Variants in LRCH1 observed in about 807,000 individuals in gnomAD.
The protein encoded by LRCH1 is leucine rich repeats and calponin homology domain containing 1.
Under a neutral mutation model 94.9 loss-of-function variants are expected in LRCH1, and 23 were observed. That is an observed-to-expected ratio of 0.24 (90% CI 0.17 to 0.34). The LOEUF is 0.34. Among genes scored for constraint, LRCH1 ranks in the 10% least tolerant of loss-of-function variants. The pLI, the probability that LRCH1 is intolerant of heterozygous loss-of-function variation, is 1.00. For synonymous variants in LRCH1, 364 were observed against 354.9 expected (o/e 1.03, Z -0.29); for missense variants, 790 against 945.9 (o/e 0.84, Z 2.16).
intron 1 of LRCH1, among the ~76,000 whole-genome samples, chr13:46,574,834 T>G (rs962379583): frequency 2.7e-5 from 4 of 150,572 alleles, no homozygotes; most frequent in Admixed American, 6.6e-5. Context: ...TTTTTTTTTT[T>G]TTTTTTTTTT....
chr13:46,721,865 C>G (rs1259341614), intron 16 of LRCH1, among the ~76,000 whole-genome samples: 3 of 152,140 alleles, frequency 2.0e-5, no homozygotes, highest in Non-Finnish European at 4.4e-5. Flanking sequence ...CATAGAGCAT[C>G]AGAATGTGAA....
intron 1 of LRCH1, among the ~76,000 whole-genome samples, chr13:46,645,364 G>C (rs1462790269): frequency 6.6e-6 from 1 of 152,148 alleles, no homozygotes; most frequent in Non-Finnish European, 1.5e-5. Context: ...ATTCTACAGT[G>C]AAATGTCAAA....
Position 46,744,398 on chromosome 13 carries a change from A to T in LRCH1, c.*2550A>T, listed in dbSNP as rs1873817494. 9 of 985,326 alleles carry T rather than the reference A, an allele frequency of 9.1e-6. No homozygotes were observed. The highest frequency in any genetic ancestry group is 9.6e-6 in the Non-Finnish European group (8 of 829,926). 61.0% of individuals were successfully genotyped at this position (985,326 alleles called of 1,614,324 possible). ...GTATTCTCTTTCTCCAGTTTCTCCA[A>T]CTGGTGGCAACTCTCCACTCAGTGT... On this transcript the variant is annotated 3_prime_UTR_variant, in exon 20 of 20. Transcript: ENST00000389797.
intron 18 of LRCH1, among the ~76,000 whole-genome samples, chr13:46,749,943 G>A (rs142937949): frequency 1.1e-3 from 174 of 152,316 alleles, no homozygotes; most frequent in African/African-American, 3.9e-3. Context: ...CAGGACATAT[G>A]TGTCTTTGAC....
At chr13:46,597,754 G>A (rs982481316) in intron 1 of LRCH1, among the ~76,000 whole-genome samples, 10 of 152,104 alleles carry the variant, frequency 6.6e-5, no homozygotes, top group Admixed American at 1.3e-4. Context: ...CTTTAGTGCT[G>A]TTGGCTGTGA....
At chr13:46,575,590 G>A (rs2050296192) in intron 1 of LRCH1, among the ~76,000 whole-genome samples, 1 of 150,840 alleles carries the variant, frequency 6.6e-6, no homozygotes, top group East Asian at 2.0e-4. Flanking sequence ...AAATCCTCCA[G>A]AAGGGGTTTT....
At position 46,678,586 on chromosome 13, in the gene LRCH1, G is replaced by A. The variant is rs2051708334; in HGVS notation, c.580-3155G>A. ...ATGTGAATGGACAATTGGACTTTGT[G>A]TTTTGAATTGTCTACAGATATCCTG... On this transcript the variant is annotated intron_variant, in intron 3 of 19. Coordinates refer to ENST00000389797, the MANE Select transcript of LRCH1 (RefSeq NM_001164211.2). 3.9e-5 allele frequency among the ~76,000 whole-genome samples: 6 copies of A among 152,160 alleles called. No homozygotes were observed. The South Asian group carries it at 1.2e-3, about 32-fold the overall frequency.
intron 19 of LRCH1, among the ~76,000 whole-genome samples, chr13:46,740,908 C>G (rs1873618282): frequency 6.6e-6 from 1 of 151,926 alleles, no homozygotes; most frequent in South Asian, 2.1e-4. Flanking sequence ...CAGAGGTCTA[C>G]CCCCCCTGCC....
chr13:46,582,325 G>C (rs77771845), intron 1 of LRCH1, among the ~76,000 whole-genome samples: 1,585 of 140,854 alleles, frequency 0.011, 28 homozygotes, highest in African/African-American at 0.039. Flanking sequence ...AAGGACCTTT[G>C]TTACAAGTCA....
At chr13:46,675,651 G>A (rs1175673831) in intron 3 of LRCH1, among the ~76,000 whole-genome samples, 1 of 152,120 alleles carries the variant, frequency 6.6e-6, no homozygotes, top group Non-Finnish European at 1.5e-5. Context: ...ATTTGCTTGG[G>A]TAGCGTTCCA....
exon 19 of LRCH1, chr13:46,752,689 C>A (rs952509857): frequency 6.6e-6 from 1 of 151,994 alleles, no homozygotes; most frequent in Non-Finnish European, 1.5e-5. Flanking sequence ...ATTCAGAATG[C>A]GGGGTCCTGA....
chr13:46,691,675 G>A (rs776190756), intron 7 of LRCH1, among the ~76,000 whole-genome samples: 7 of 152,114 alleles, frequency 4.6e-5, no homozygotes, highest in Non-Finnish European at 8.8e-5. Flanking sequence ...GGAGAGCAAC[G>A]GAGGAGGTGC....
intron 1 of LRCH1, among the ~76,000 whole-genome samples, chr13:46,642,542 A>C (rs897433184): frequency 1.3e-5 from 2 of 152,222 alleles, no homozygotes; most frequent in African/African-American, 4.8e-5. Flanking sequence ...GACAACTCAA[A>C]ATACGCAAAA....
intron 1 of LRCH1, among the ~76,000 whole-genome samples, chr13:46,638,710 C>G (rs928075034): frequency 6.6e-6 from 1 of 152,200 alleles, no homozygotes; most frequent in Non-Finnish European, 1.5e-5. Context: ...AACTGAAGAT[C>G]TTACATGGCC....
intron 1 of LRCH1, among the ~76,000 whole-genome samples, chr13:46,628,336 T>C (rs2050975581): frequency 6.6e-6 from 1 of 151,846 alleles, no homozygotes; most frequent in Non-Finnish European, 1.5e-5. Flanking sequence ...ATGCAGAAGG[T>C]ACATCTAAGA....
intron 7 of LRCH1, among the ~76,000 whole-genome samples, chr13:46,690,510 C>G (rs185162318): frequency 1.2e-3 from 181 of 152,274 alleles, no homozygotes; most frequent in Non-Finnish European, 2.0e-3. Flanking sequence ...ACATAAAGAA[C>G]TTCATTATCC....
chr13:46,678,765 G>GA (rs1354262352), intron 3 of LRCH1, among the ~76,000 whole-genome samples: 8 of 152,142 alleles, frequency 5.3e-5, no homozygotes, highest in South Asian at 2.1e-4. Context: ...ACATACGATG[G>GA]AAAAAAATCA....
At chr13:46,589,905 T>C (rs1314327823) in intron 1 of LRCH1, among the ~76,000 whole-genome samples, 1 of 151,700 alleles carries the variant, frequency 6.6e-6, no homozygotes, top group Non-Finnish European at 1.5e-5. Flanking sequence ...CTGGGATTTT[T>C]TTTTTTTTTT....
intron 2 of LRCH1, among the ~76,000 whole-genome samples, chr13:46,665,239 T>C (rs914323798): frequency 1.1e-4 from 16 of 152,176 alleles, no homozygotes; most frequent in Non-Finnish European, 8.8e-5. Flanking sequence ...AATAACCTTT[T>C]GATAAACCAA....
Sources: allele counts gnomAD v4.1 joint callset (sites outside exome capture counted in the v4.1 genomes callset), GRCh38; gene constraint gnomAD v4.1.1; transcripts MANE v1.5; gene names NCBI Gene and HGNC (gene_info 2026-07-23, HGNC 2026-07-21).